Variants in CMIP observed in about 807,000 individuals in gnomAD.
CMIP encodes C-Maf-inducing protein.
In CMIP, 13 loss-of-function variants were observed where a neutral mutation model predicts 97.3. The ratio of observed to expected loss-of-function variants is 0.13; its 90% CI spans 0.09 to 0.21. The LOEUF is 0.21. Among genes scored for constraint, CMIP ranks in the 10% least tolerant of loss-of-function variants. The pLI, the probability that CMIP is intolerant of heterozygous loss-of-function variation, is 1.00. For missense variants in CMIP, 847 were observed against 1,024.9 expected (o/e 0.83, Z 2.37); for synonymous variants, 538 against 436.3 (o/e 1.23, Z -2.91).
chr16:81,524,209 G>A (rs1023262228), intron 1 of CMIP, among the ~76,000 whole-genome samples: 2 of 152,212 alleles, frequency 1.3e-5, no homozygotes, highest in African/African-American at 4.8e-5. Context: ...CAGTATTGGG[G>A]TCAGACAGAG....
intron 13 of CMIP, 54 bp from the exon 14 acceptor site, chr16:81,696,506 C>A (rs993606509): frequency 6.5e-7 from 1 of 1,541,226 alleles, no homozygotes. Flanking sequence ...TCATGGTCGC[C>A]CTTGTCACCG....
intron 1 of CMIP, among the ~76,000 whole-genome samples, chr16:81,542,044 AT>A (rs2090459053): frequency 6.6e-6 from 1 of 152,170 alleles, no homozygotes; most frequent in African/African-American, 2.4e-5. Context: ...ATTCCATAAA[AT>A]GGTCGTGCCC....
intron 14 of CMIP, chr16:81,696,968 C>G (rs577636575): frequency 4.4e-6 from 2 of 457,980 alleles, no homozygotes; most frequent in Middle Eastern, 5.9e-4. Context: ...CAGCTAAAGC[C>G]TGGGCCGTTA....
intron 10 of CMIP, among the ~76,000 whole-genome samples, chr16:81,691,296 T>C (rs1411502786): frequency 6.6e-6 from 1 of 152,236 alleles, no homozygotes; most frequent in Non-Finnish European, 1.5e-5. Flanking sequence ...GTCTTTGCTC[T>C]GCGTGTCCGT....
At chr16:81,696,879 T>A (rs1465323135) in intron 14 of CMIP, 1 of 591,426 alleles carries the variant, frequency 1.7e-6, no homozygotes, top group Non-Finnish European at 3.0e-6. Context: ...AGCCAAGCAC[T>A]TGGCTTTCCC....
At chr16:81,550,832 T>C (rs542754858) in intron 1 of CMIP, among the ~76,000 whole-genome samples, 69 of 148,456 alleles carry the variant, frequency 4.6e-4, no homozygotes, top group African/African-American at 1.7e-3. Context: ...TTCTGTGCCC[T>C]CCCCAGTTCC....
chr16:81,620,093 A>G (rs1179756731), intron 2 of CMIP: 3 of 152,232 alleles, frequency 2.0e-5, no homozygotes, highest in Admixed American at 6.5e-5. Context: ...TAGATGCTCT[A>G]CAAGAATAAT....
chr16:81,548,726 G>GCTCCCA (rs2090598115), intron 1 of CMIP, among the ~76,000 whole-genome samples: 2 of 151,844 alleles, frequency 1.3e-5, no homozygotes, highest in Non-Finnish European at 2.9e-5. Flanking sequence ...TGTGCCTGTA[G>GCTCCCA]TCTTAGCTAC....
chr16:81,488,038 A>T (rs945588322), intron 1 of CMIP, among the ~76,000 whole-genome samples: 1 of 151,786 alleles, frequency 6.6e-6, no homozygotes, highest in Non-Finnish European at 1.5e-5. Flanking sequence ...TTTTATTTTT[A>T]TTTATTGTTG....
intron 2 of CMIP, among the ~76,000 whole-genome samples, chr16:81,615,688 T>C (rs2091907969): frequency 1.3e-5 from 2 of 150,930 alleles, no homozygotes; most frequent in Admixed American, 1.3e-4. Context: ...GTGTGGTGTA[T>C]GTGTCCTTGT....
In CMIP at chr16:81,660,812, C is replaced by G. The variant is rs186176532; in HGVS notation, c.682-72C>G. ...TTATTTTTTTCACTTCACAATATGG[C>G]CTGGAGATTGTTCGAAGTCTTTCCG... On this transcript the variant is annotated intron_variant, in intron 5 of 20. Coordinates refer to ENST00000537098, the MANE Select transcript of CMIP (RefSeq NM_198390.3). 2.1e-3 allele frequency: 3,230 copies of G among 1,520,558 alleles called. 132 individuals are homozygous for G. The Admixed American group carries it at 0.052, about 24-fold the overall frequency. 94.2% of individuals were successfully genotyped at this position (1,520,558 alleles called of 1,614,324 possible). A position where few individuals can be genotyped will look rare whatever the true frequency, so the allele number is the denominator to read the frequency against.
intron 1 of CMIP, among the ~76,000 whole-genome samples, chr16:81,598,246 C>T (rs1230087718): frequency 6.6e-6 from 1 of 151,426 alleles, no homozygotes; most frequent in Non-Finnish European, 1.5e-5. Context: ...ACGGGGGTAT[C>T]GTCTACAACA....
At chr16:81,549,398 G>A (rs1291418486) in intron 1 of CMIP, among the ~76,000 whole-genome samples, 3 of 152,216 alleles carry the variant, frequency 2.0e-5, no homozygotes, top group Non-Finnish European at 4.4e-5. Flanking sequence ...CACCCATGAG[G>A]TCAGGAGCCA....
At chr16:81,613,245 C>A (rs968231101) in intron 2 of CMIP, among the ~76,000 whole-genome samples, 1 of 152,200 alleles carries the variant, frequency 6.6e-6, no homozygotes, top group Non-Finnish European at 1.5e-5. Flanking sequence ...CCTTCCTCCT[C>A]CTGCTTCATC....
chr16:81,576,637 C>T (rs1013232627), intron 1 of CMIP, among the ~76,000 whole-genome samples: 4 of 152,064 alleles, frequency 2.6e-5, no homozygotes, highest in Non-Finnish European at 5.9e-5. Context: ...GTCAGCACCC[C>T]GTTACTAGAG....
At chr16:81,612,386 G>A (rs2091846396) in intron 2 of CMIP, among the ~76,000 whole-genome samples, 1 of 152,178 alleles carries the variant, frequency 6.6e-6, no homozygotes, top group African/African-American at 2.4e-5. Context: ...AAGTCCTGCA[G>A]GAGGCGGGGC....
At chr16:81,606,874 A>T (rs1029861029) in intron 1 of CMIP, 2 of 155,010 alleles carry the variant, frequency 1.3e-5, no homozygotes, top group Non-Finnish European at 2.9e-5. Flanking sequence ...TGGAGAGTAG[A>T]AGCGCAGATG....
chr16:81,607,005 A>T (rs934141125), intron 1 of CMIP: 1 of 155,210 alleles, frequency 6.4e-6, no homozygotes, highest in African/African-American at 2.4e-5. Context: ...GACTGGGCGC[A>T]TAGGGAGAGC....
At chr16:81,495,421 C>G in intron 1 of CMIP, 5 of 1,599,976 alleles carry the variant, frequency 3.1e-6, no homozygotes, top group Non-Finnish European at 3.4e-6. Flanking sequence ...CGGGCTGCCG[C>G]TCTGTTTCCT....
Sources: gnomAD v4.1 joint callset for allele counts (sites outside exome capture counted in the v4.1 genomes callset) on GRCh38, gnomAD v4.1.1 for gene constraint, MANE v1.5 for transcripts, NCBI Gene and HGNC (gene_info 2026-07-23, HGNC 2026-07-21) for gene names.